MYO16: variants seen among roughly 807,000 people sequenced by gnomAD.
MYO16 encodes unconventional myosin-XVI.
MYO16 carries 94 observed loss-of-function variants against 205.3 expected under a neutral mutation model. The ratio of observed to expected loss-of-function variants is 0.46; its 90% CI spans 0.39 to 0.54. The LOEUF is 0.54. MYO16 is among the 20% of genes least tolerant of loss of function. The pLI is 0.00. For missense variants in MYO16, 2,315 were observed against 2,387.5 expected (o/e 0.97, Z 0.63); for synonymous variants, 988 against 954.0 (o/e 1.04, Z -0.66).
intron 27 of MYO16, among the ~76,000 whole-genome samples, chr13:109,098,220 G>T (rs555938979): frequency 2.9e-4 from 44 of 152,264 alleles, no homozygotes; most frequent in African/African-American, 1.0e-3. Context: ...CGGTTCAGGC[G>T]TGAATATTAA....
At chr13:108,548,876 C>T in the MYO16 span, among the ~76,000 whole-genome samples, 1 of 152,132 alleles carries the variant, frequency 6.6e-6, no homozygotes, top group Non-Finnish European at 1.5e-5. Context: ...TGAATGCCAA[C>T]ACAGACATTT....
chr13:108,557,596 A>G, the MYO16 span, among the ~76,000 whole-genome samples: 5 of 152,222 alleles, frequency 3.3e-5, no homozygotes, highest in Non-Finnish European at 5.9e-5. Flanking sequence ...TCCTTGAACC[A>G]CAGTTTGAAC....
At chr13:108,567,410 G>A in the MYO16 span, among the ~76,000 whole-genome samples, 3 of 152,148 alleles carry the variant, frequency 2.0e-5, no homozygotes, top group Non-Finnish European at 4.4e-5. Context: ...GTTAGCCCGG[G>A]TGATAAGATT....
rs200872614 is a variant in MYO16 at position 108,971,440 on chromosome 13, CTCTA to C, written c.2369+6547_2369+6550del. ...CTGTCTATCTATCTATCAGTCATCT[CTCTA>C]TCTATCTAGTCTACAGTAATCCTAT... On this transcript the variant is annotated intron_variant, in intron 20 of 34. Coordinates refer to ENST00000457511, the MANE Select transcript of MYO16 (RefSeq NM_001198950.3). 7.0e-3 allele frequency among the ~76,000 whole-genome samples: 1,051 copies of C among 150,538 alleles called. 12 individuals carry two copies. Among genetic ancestry groups the C allele is most frequent in the African/African-American group, 0.023 (934 of 41,170 alleles).
At chr13:108,585,417 G>T in the MYO16 span, among the ~76,000 whole-genome samples, 1 of 152,214 alleles carries the variant, frequency 6.6e-6, no homozygotes, top group Non-Finnish European at 1.5e-5. Flanking sequence ...GAATGCTCAG[G>T]GTGAAGATAA....
intron 25 of MYO16, among the ~76,000 whole-genome samples, chr13:109,052,992 G>A (rs1039240201): frequency 6.6e-6 from 1 of 152,034 alleles, no homozygotes; most frequent in African/African-American, 2.4e-5. Flanking sequence ...CAAAAGTTTG[G>A]TTGTATACAC....
chr13:108,668,775 G>A (rs966747908), intron 2 of MYO16, among the ~76,000 whole-genome samples: 3 of 152,154 alleles, frequency 2.0e-5, no homozygotes, highest in African/African-American at 4.8e-5. Flanking sequence ...GGCTATGCAG[G>A]TTCATCTCCT....
intron 1 of MYO16, among the ~76,000 whole-genome samples, chr13:108,611,989 T>C (rs1396665513): frequency 7.9e-6 from 1 of 125,882 alleles, no homozygotes; most frequent in Non-Finnish European, 1.7e-5. Flanking sequence ...TTTTTTTTTT[T>C]TTTTGAGACG....
chr13:108,886,711 C>T (rs993761656), intron 13 of MYO16, among the ~76,000 whole-genome samples: 14 of 151,976 alleles, frequency 9.2e-5, no homozygotes, highest in Non-Finnish European at 1.9e-4. Flanking sequence ...GGCAAAGCCC[C>T]CTGTGCAAGT....
the MYO16 span, among the ~76,000 whole-genome samples, chr13:108,545,024 G>T: frequency 6.6e-6 from 1 of 151,100 alleles, no homozygotes. Flanking sequence ...TTTATTTTAG[G>T]TTCAGGGGTA....
chr13:108,899,063 T>G (rs926884805), intron 15 of MYO16, among the ~76,000 whole-genome samples: 1 of 152,184 alleles, frequency 6.6e-6, no homozygotes, highest in African/African-American at 2.4e-5. Flanking sequence ...ACAAAAACAT[T>G]GTATTTTGCA....
the MYO16 span, among the ~76,000 whole-genome samples, chr13:108,580,284 G>A: frequency 1.1e-4 from 16 of 152,262 alleles, no homozygotes; most frequent in Admixed American, 5.2e-4. Context: ...CAGACCTTGA[G>A]ATTTCTATGC....
At chr13:108,561,141 C>G in the MYO16 span, among the ~76,000 whole-genome samples, 1 of 152,174 alleles carries the variant, frequency 6.6e-6, no homozygotes, top group Admixed American at 6.5e-5. Flanking sequence ...GTGTCAATTA[C>G]TGAAATGCCT....
intron 2 of MYO16, among the ~76,000 whole-genome samples, chr13:108,670,980 T>C (rs1437862274): frequency 6.6e-6 from 1 of 152,196 alleles, no homozygotes. Context: ...TGTATAGCAG[T>C]TTGTTTATAT....
At chr13:108,867,675 G>A (rs1001396223) in intron 12 of MYO16, among the ~76,000 whole-genome samples, 4 of 152,106 alleles carry the variant, frequency 2.6e-5, no homozygotes, top group Admixed American at 6.5e-5. Context: ...GTGTATTGAC[G>A]TATAATATAA....
chr13:109,103,107 A>G (rs1389520099), intron 28 of MYO16, among the ~76,000 whole-genome samples: 1 of 152,162 alleles, frequency 6.6e-6, no homozygotes, highest in African/African-American at 2.4e-5. Flanking sequence ...TTCATACTTC[A>G]CTTTTATATT....
At chr13:108,794,684 G>T (rs1199648875) in intron 6 of MYO16, among the ~76,000 whole-genome samples, 2 of 152,228 alleles carry the variant, frequency 1.3e-5, no homozygotes, top group Admixed American at 1.3e-4. Context: ...AGAACATTTT[G>T]CCCTACTGAC....
chr13:108,623,639 T>G (rs1041634683), intron 1 of MYO16, among the ~76,000 whole-genome samples: 1 of 152,204 alleles, frequency 6.6e-6, no homozygotes, highest in African/African-American at 2.4e-5. Context: ...TCAATAATCC[T>G]GCCTTTAATA....
chr13:108,789,573 C>T (rs533102314), intron 5 of MYO16, among the ~76,000 whole-genome samples: 11 of 152,276 alleles, frequency 7.2e-5, no homozygotes, highest in Non-Finnish European at 1.3e-4. Flanking sequence ...GGTCGCAAGT[C>T]GTGCCTGCTG....
Sources: allele counts gnomAD v4.1 joint callset (sites outside exome capture counted in the v4.1 genomes callset), GRCh38; gene constraint gnomAD v4.1.1; transcripts MANE v1.5; gene names NCBI Gene and HGNC (gene_info 2026-07-23, HGNC 2026-07-21).